FNDC3A: variants seen among roughly 807,000 people sequenced by gnomAD.
The protein encoded by FNDC3A is fibronectin type-III domain-containing protein 3A.
Under a neutral mutation model 148.9 loss-of-function variants are expected in FNDC3A, and 32 were observed. The observed-to-expected ratio is 0.21, with a 90% CI of 0.16 to 0.29. The LOEUF (loss-of-function observed/expected upper bound fraction) is 0.29, where lower values mean the gene tolerates loss of function less well. FNDC3A is among the 10% of genes least tolerant of loss of function. The probability of loss-of-function intolerance (pLI) is 1.00; values close to 1 mark genes in which losing one functional copy is unlikely to be tolerated. For missense variants in FNDC3A, 1,191 were observed against 1,452.8 expected, an observed-to-expected ratio of 0.82 and a Z score of 2.93; for synonymous variants, 472 against 473.6, an observed-to-expected ratio of 1.00 and a Z score of 0.04.
At chr13:49,145,682 C>T (rs1882951118) in intron 7 of FNDC3A, 96 bp from the exon 8 acceptor site, 1 of 953,276 alleles carries the variant, frequency 1.0e-6, no homozygotes, top group Non-Finnish European at 1.6e-6. Context: ...TAAACAGATA[C>T]ATTTTATTTA....
At chr13:48,990,588 C>CAAAAAAA (rs58007137) in intron 1 of FNDC3A, among the ~76,000 whole-genome samples, 1 of 58,136 alleles carries the variant, frequency 1.7e-5, no homozygotes, top group African/African-American at 7.4e-5. Context: ...CCTGTCTCTC[C>CAAAAAAA]AAAAAAAAAA....
chr13:49,114,422 A>AC (rs1880794577), intron 3 of FNDC3A, among the ~76,000 whole-genome samples: 1 of 73,620 alleles, frequency 1.4e-5, no homozygotes, highest in African/African-American at 5.1e-5. Flanking sequence ...CCCGCCCCCC[A>AC]CCACCCCTAC....
At chr13:49,107,701 A>G (rs1245159107) in intron 3 of FNDC3A, among the ~76,000 whole-genome samples, 1 of 152,224 alleles carries the variant, frequency 6.6e-6, no homozygotes, top group Admixed American at 6.5e-5. Context: ...ATATGGTTGA[A>G]GTCAGGTTGG....
At chr13:49,173,962 T>G (rs2138060386) in intron 11 of FNDC3A, among the ~76,000 whole-genome samples, 1 of 152,314 alleles carries the variant, frequency 6.6e-6, no homozygotes, top group South Asian at 2.1e-4. Context: ...ATCTAAGCAG[T>G]AGAAGCGCCA....
At position 49,131,175 on chromosome 13, in the gene FNDC3A, C is replaced by G; in HGVS notation, c.291C>G (p.Val97=). 6.2e-7 allele frequency: 1 copy of G among 1,613,744 alleles called. No homozygotes were observed. The highest frequency in any genetic ancestry group is 8.5e-7 in the Non-Finnish European group (1 of 1,179,738). The change falls in exon 5 of 26, where the codon GTC becomes GTG. Residue 97 remains valine, a synonymous_variant. Transcript: ENST00000492622. ...ATGGTGTTCGAAGAGTTGTCGTGGT[C>G]CCTCAGGCACCAGAGTTTCACCCTG... ...EDNGVRRVVV[V]PQAPEFHPGS... is the part of the protein sequence containing the mutation.
chr13:48,983,158 A>T (rs1009471772), intron 1 of FNDC3A, among the ~76,000 whole-genome samples: 12 of 152,232 alleles, frequency 7.9e-5, no homozygotes, highest in African/African-American at 2.9e-4. Context: ...ACAGAATGGG[A>T]TGAGAGATAA....
rs869031197 is a variant in FNDC3A, at chr13:48,986,385, GTTTTTTTTTTTT to G, written c.-40+10225_-40+10236del. On this transcript the variant is annotated intron_variant, in intron 1 of 25. Coordinates refer to ENST00000492622, the MANE Select transcript of FNDC3A (RefSeq NM_001079673.2). ...AAGACAGAGTAAGGAGAAGGAAGTT[GTTTTTTTTTTTT>G]TTTTTTTTTTTTTTTTGAGGCGGAG... Among the ~76,000 whole-genome samples the G allele has an allele frequency of 4.2e-4, 23 of 54,420 alleles. No homozygotes were observed. The Admixed American group carries it at 4.5e-3, about 11-fold the overall frequency. 35.7% of individuals were successfully genotyped at this position (54,420 alleles called of 152,430 possible).
At chr13:49,045,046 TCC>T (rs1875257988) in intron 2 of FNDC3A, 2 of 54,706 alleles carry the variant, frequency 3.7e-5, no homozygotes, top group Admixed American at 3.0e-4. Context: ...CTTTCCCTTT[TCC>T]TTTCCCTTTC....
intron 3 of FNDC3A, among the ~76,000 whole-genome samples, chr13:49,093,829 A>C (rs189234123): frequency 1.3e-5 from 2 of 152,200 alleles, no homozygotes; most frequent in Non-Finnish European, 2.9e-5. Flanking sequence ...CCTCAAGACT[A>C]TCTCTATCAA....
At chr13:49,056,794 T>C (rs1876281723) in intron 2 of FNDC3A, among the ~76,000 whole-genome samples, 1 of 152,234 alleles carries the variant, frequency 6.6e-6, no homozygotes, top group African/African-American at 2.4e-5. Flanking sequence ...TTTCATAGTT[T>C]ATTATCTTAT....
At chr13:49,031,703 C>T (rs776398687) in intron 2 of FNDC3A, among the ~76,000 whole-genome samples, 6 of 151,886 alleles carry the variant, frequency 4.0e-5, no homozygotes, top group Admixed American at 6.6e-5. Flanking sequence ...CATAAATCTC[C>T]GTGATCTTGA....
intron 1 of FNDC3A, among the ~76,000 whole-genome samples, chr13:48,981,384 G>A (rs187493269): frequency 1.7e-3 from 260 of 151,938 alleles, no homozygotes; most frequent in African/African-American, 6.1e-3. Context: ...CAAAGATATT[G>A]TGAGAACCCA....
intron 1 of FNDC3A, among the ~76,000 whole-genome samples, chr13:48,996,432 C>G (rs1952025344): frequency 6.6e-6 from 1 of 152,168 alleles, no homozygotes; most frequent in Non-Finnish European, 1.5e-5. Context: ...ATTGTTGCAT[C>G]TGTACTAAAT....
intron 5 of FNDC3A, among the ~76,000 whole-genome samples, chr13:49,131,742 C>T (rs986247601): frequency 6.6e-6 from 1 of 152,162 alleles, no homozygotes. Flanking sequence ...AGCTGCTAAG[C>T]TCTGTGAGGG....
intron 1 of FNDC3A, among the ~76,000 whole-genome samples, chr13:48,996,052 A>G (rs1262993872): frequency 1.3e-5 from 2 of 152,240 alleles, no homozygotes; most frequent in Admixed American, 6.5e-5. Context: ...AAGTTGTGGC[A>G]GAACTTATTT....
Position 49,035,313 on chromosome 13 carries a change from A to C in FNDC3A, c.99+29024A>C, listed in dbSNP as rs138089346. ...AATGAGAACACAAATCCTTAGTTGC[A>C]TATGTATACACTGTATATACATATA... On this transcript the variant is annotated intron_variant, in intron 2 of 25. Transcript: ENST00000492622. Among the ~76,000 whole-genome samples the C allele has an allele frequency of 9.6e-4, 146 of 152,172 alleles. 1 individual carries two copies. The highest frequency in any genetic ancestry group is 3.4e-3 in the African/African-American group (140 of 41,570).
chr13:49,092,956 C>T (rs1311311443), intron 3 of FNDC3A, among the ~76,000 whole-genome samples: 3 of 152,042 alleles, frequency 2.0e-5, no homozygotes, highest in Non-Finnish European at 4.4e-5. Flanking sequence ...CATTAATCAA[C>T]TTTAAATCTT....
At chr13:49,158,105 C>T (rs986554879) in intron 8 of FNDC3A, among the ~76,000 whole-genome samples, 3 of 152,182 alleles carry the variant, frequency 2.0e-5, no homozygotes, top group Admixed American at 1.3e-4. Context: ...CAATGGCGGG[C>T]GCCCCTCCCC....
intron 15 of FNDC3A, 128 bp downstream of exon 15, chr13:49,186,230 A>T (rs2138091367): frequency 2.7e-6 from 2 of 729,126 alleles, no homozygotes; most frequent in Admixed American, 5.6e-5. Context: ...GAAATGTGAG[A>T]GTCATTCATT....
Sources: gnomAD v4.1 joint callset for allele counts (sites outside exome capture counted in the v4.1 genomes callset) on GRCh38, gnomAD v4.1.1 for gene constraint, MANE v1.5 for transcripts, NCBI Gene and HGNC (gene_info 2026-07-23, HGNC 2026-07-21) for gene names.